Variants in DSC2 observed in about 807,000 individuals in gnomAD.
The protein encoded by DSC2 is desmocollin 2.
Under a neutral mutation model 87.6 loss-of-function variants are expected in DSC2, and 51 were observed. The ratio of observed to expected loss-of-function variants is 0.58; its 90% CI spans 0.46 to 0.74. DSC2 has a LOEUF of 0.74. Among genes scored for constraint, DSC2 ranks in the 30% least tolerant of loss-of-function variants. The pLI is 0.00. For missense variants in DSC2, 1,066 were observed against 1,089.5 expected, an observed-to-expected ratio of 0.98 and a Z score of 0.30; for synonymous variants, 383 against 393.2, an observed-to-expected ratio of 0.97 and a Z score of 0.31.
intron 11 of DSC2, among the ~76,000 whole-genome samples, chr18:31,078,717 T>C (rs1446545475): frequency 6.6e-6 from 1 of 152,176 alleles, no homozygotes; most frequent in African/African-American, 2.4e-5. Context: ...CTCATTAATT[T>C]ACAGAGAACT....
intron 6 of DSC2, 126 bp downstream of exon 6, chr18:31,087,543 A>G: frequency 8.6e-7 from 1 of 1,163,180 alleles, no homozygotes; most frequent in Non-Finnish European, 1.3e-6. Context: ...AACACAGAGT[A>G]AAATTCCACC....
In DSC2 at chr18:31,061,715, A is replaced by G. The variant is rs1986505516; in HGVS notation, c.*6300T>C. 2.0e-5 allele frequency: 3 copies of G among 152,280 alleles called. No individual in the cohort carries two copies. In the South Asian group the frequency reaches 6.2e-4, roughly 32 times the overall value. 9.4% of individuals were successfully genotyped at this position (152,280 alleles called of 1,614,324 possible). ...TGCATGTCTTATTTGAAATATCTAA[A>G]GTTTAAAATGCAGCCTCATAATGTA... On this transcript the variant is annotated 3_prime_UTR_variant, in exon 16 of 16. Transcript: ENST00000280904.
chr18:31,073,448 AGTTCACAG>A (rs2144795863), intron 12 of DSC2, among the ~76,000 whole-genome samples: 1 of 152,040 alleles, frequency 6.6e-6, no homozygotes, highest in East Asian at 1.9e-4. Context: ...AAATCTTGTT[AGTTCACAG>A]AGCAGGATCC....
chr18:31,071,583 C>G (rs767015507), intron 13 of DSC2, 22 bp downstream of exon 13: 1 of 1,605,406 alleles, frequency 6.2e-7, no homozygotes, highest in South Asian at 1.1e-5. Context: ...TATTTGAATT[C>G]AAGAAAGGAC....
At chr18:31,080,957 T>C (rs1176042598) in intron 9 of DSC2, among the ~76,000 whole-genome samples, 1 of 151,882 alleles carries the variant, frequency 6.6e-6, no homozygotes, top group African/African-American at 2.4e-5. Context: ...GGACAGAAAA[T>C]TGTTCTTCAA....
At position 31,080,130 on chromosome 18, in the gene DSC2, A is replaced by G; in HGVS notation, c.1486T>C (p.Tyr496His). Reference sequence around the variant, plus strand: ...CTGCTACTTCTTGTTTCTGGGTCATATGCTTTATATCCATTGCTTGTTGTT... The same window carrying G: ...CTGCTACTTCTTGTTTCTGGGTCATGTGCTTTATATCCATTGCTTGTTGTT... Reference protein sequence around the residue: ...VGTTSNGYKAYDPETRSSSGI... With the variant: ...VGTTSNGYKAHDPETRSSSGI... The change falls in exon 10 of 16, where the codon TAT (tyrosine) becomes CAT (histidine). Residue 496 changes from tyrosine to histidine, a missense_variant. Coordinates refer to ENST00000280904, the MANE Select transcript of DSC2 (RefSeq NM_024422.6). The G allele has an allele frequency of 6.2e-7, 1 of 1,614,082 alleles. No homozygotes were observed. Among genetic ancestry groups the G allele is most frequent in the Non-Finnish European group, 8.5e-7 (1 of 1,180,022 alleles).
In DSC2 at chr18:31,092,210, G is replaced by A. The variant is rs1267065182; in HGVS notation, c.245C>T (p.Thr82Ile). The A allele has an allele frequency of 6.2e-7, 1 of 1,613,596 alleles. No homozygotes were observed. Among genetic ancestry groups the A allele is most frequent in the Non-Finnish European group, 8.5e-7 (1 of 1,179,760 alleles). ...CTCCGAGGACAATAGAATAGTATTT[G>A]TTGTATAGACTGAACCATCCTCCAA... ...QILEDGSVYT[T>I]NTILLSSEKR... Residue 82 changes from threonine (T) to isoleucine (I), a missense_variant, in exon 3 of 16, where the codon ACA (threonine) becomes ATA (isoleucine). By Grantham distance (89) the Thr-to-Ile change is moderately conservative. Transcript: ENST00000280904.
intron 4 of DSC2, 113 bp downstream of exon 4, chr18:31,090,915 C>A: frequency 7.1e-7 from 1 of 1,410,022 alleles, no homozygotes; most frequent in South Asian, 1.2e-5. Flanking sequence ...TATACACATA[C>A]TCATTCACTC....
At position 31,072,030 on chromosome 18, in the gene DSC2, T is replaced by C. The variant is rs868527749; in HGVS notation, c.1889-189A>G. Among the ~76,000 whole-genome samples the C allele has an allele frequency of 2.3e-4, 35 of 152,352 alleles. No individual in the cohort carries two copies. The Middle Eastern group carries it at 0.02, about 89-fold the overall frequency. The stretch of plus-strand genomic sequence containing the variant: ...TAATCTATACCCATTGCAAACATAT[T>C]ACATATAAAAGTTTGTCTATGCTGC... On this transcript the variant is annotated intron_variant, in intron 12 of 15. Coordinates refer to ENST00000280904, the MANE Select transcript of DSC2 (RefSeq NM_024422.6).
rs771188649 is a variant in DSC2, at chr18:31,087,636, A to AATT, written c.775+30_775+32dup. ...TAAATGTATGAATTGAAACACAGTT[A>AATT]ATTTGCCATATATTGTTTAAGGAGG... On this transcript the variant is annotated intron_variant, in intron 6 of 15. Coordinates refer to ENST00000280904, the MANE Select transcript of DSC2 (RefSeq NM_024422.6). 3 of 1,602,532 alleles carry AATT rather than the reference A, an allele frequency of 1.9e-6. No homozygotes were observed. In the South Asian group the frequency reaches 3.3e-5, roughly 18 times the overall value.
In DSC2 at chr18:31,064,620, T is replaced by A. The variant is rs1016238588; in HGVS notation, c.*3395A>T. 2.0e-5 allele frequency: 3 copies of A among 152,166 alleles called. No individual in the cohort carries two copies. Among genetic ancestry groups the A allele is most frequent in the African/African-American group, 7.2e-5 (3 of 41,444 alleles). The allele number at this position is 152,166 out of a possible 1,614,324, so 9.4% of individuals were successfully genotyped here. On this transcript the variant is annotated 3_prime_UTR_variant, in exon 16 of 16. Transcript: ENST00000280904. ...ATGTGGTAGTATGTGTTTGTCTTTT[T>A]GCATGAGTTTGAAGTGCTAGGTTAA...
At position 31,062,887 on chromosome 18, in the gene DSC2, G is replaced by A. The variant is rs1986527669; in HGVS notation, c.*5128C>T. The A allele has an allele frequency of 6.6e-6, 1 of 152,158 alleles. No individual in the cohort carries two copies. Among genetic ancestry groups the A allele is most frequent in the African/African-American group, 2.4e-5 (1 of 41,436 alleles). 9.4% of individuals were successfully genotyped at this position (152,158 alleles called of 1,614,324 possible). A position where few individuals can be genotyped will look rare whatever the true frequency, so the allele number is the denominator to read the frequency against. ...TTGTTCTAGTCATTCAATGTCTTCT[G>A]AGGAAAAACAATTCAGTGCAGAATC... is the stretch of plus-strand genomic sequence containing the variant. On this transcript the variant is annotated 3_prime_UTR_variant, in exon 16 of 16. Transcript: ENST00000280904.
At chr18:31,097,287 C>CAA (rs561171723) in intron 1 of DSC2, among the ~76,000 whole-genome samples, 3 of 74,014 alleles carry the variant, frequency 4.1e-5, no homozygotes, top group Admixed American at 1.5e-4. Context: ...GACTCAGTCT[C>CAA]AAAAAAAAAA....
rs562928418 is a variant in DSC2 at position 31,071,777 on chromosome 18, T to C, written c.1953A>G (p.Thr651=). The C allele has an allele frequency of 2.5e-6, 4 of 1,614,074 alleles. No homozygotes were observed. The highest frequency in any genetic ancestry group is 2.2e-5 in the South Asian group (2 of 91,086). The part of the protein sequence containing the change: ...PPFGSYVVPI[T]VRDRLGMSSV... ...TAGACATGCCAAGTCTATCTCTCAC[T>C]GTTATAGGTACTACATATGAGCCAA... Residue 651 remains threonine, a synonymous_variant, in exon 13 of 16, where the codon ACA becomes ACG. Transcript: ENST00000280904.
In DSC2 at chr18:31,068,875, GCCACTTAGGAAAAC is replaced by G. The variant is rs1986719933; in HGVS notation, c.2508+5_2508+18del. 6.2e-7 allele frequency: 1 copy of G among 1,612,298 alleles called. No homozygotes were observed. Among genetic ancestry groups the G allele is most frequent in the Non-Finnish European group, 8.5e-7 (1 of 1,179,928 alleles). On this transcript the variant is annotated splice_donor_5th_base_variant and intron_variant, in intron 15 of 15. Transcript: ENST00000280904. ...AAAGAAAATTAAAATAGATTTGTAG[GCCACTTAGGAAAAC>G]TCACTTCACCAAGACGGGGCTGAGT... is the stretch of plus-strand genomic sequence containing the variant.
chr18:31,072,690 ACTACTACTCTAAATG>A (rs1313256326), intron 12 of DSC2, among the ~76,000 whole-genome samples: 1 of 152,198 alleles, frequency 6.6e-6, no homozygotes, highest in Non-Finnish European at 1.5e-5. Flanking sequence ...GACTAGATAT[ACTACTACTCTAAATG>A]CAGATACCAG....
chr18:31,079,500 C>A (rs539255647), intron 11 of DSC2, among the ~76,000 whole-genome samples: 3 of 152,284 alleles, frequency 2.0e-5, no homozygotes, highest in African/African-American at 7.2e-5. Flanking sequence ...AGTGATCCTC[C>A]AGCCTTAGCC....
rs138643506 is a variant in DSC2 at position 31,092,185 on chromosome 18, C to T, written c.270G>A (p.Glu90=). 1,209 of 1,613,632 alleles carry T rather than the reference C, an allele frequency of 7.5e-4. 2 individuals carry two copies. Among genetic ancestry groups the T allele is most frequent in the Non-Finnish European group, 9.4e-4 (1,114 of 1,179,716 alleles). ...YTTNTILLSS[E]KRSFTILLSN... Reference sequence around the variant, plus strand: ...AAAGTAATATGGTAAAACTTCTCTTCTCCGAGGACAATAGAATAGTATTTG... The same window carrying T: ...AAAGTAATATGGTAAAACTTCTCTTTTCCGAGGACAATAGAATAGTATTTG... The change falls in exon 3 of 16, where the codon GAG becomes GAA. Residue 90 remains glutamate, a synonymous_variant. Coordinates refer to ENST00000280904, the MANE Select transcript of DSC2 (RefSeq NM_024422.6).
intron 5 of DSC2, 118 bp downstream of exon 5, chr18:31,089,321 G>C: frequency 9.0e-7 from 1 of 1,105,158 alleles, no homozygotes; most frequent in Non-Finnish European, 1.4e-6. Context: ...CTATTAGGGA[G>C]TAGCCAGAGC....
Sources: gnomAD v4.1 joint callset for allele counts (sites outside exome capture counted in the v4.1 genomes callset) on GRCh38, gnomAD v4.1.1 for gene constraint, MANE v1.5 for transcripts, NCBI Gene and HGNC (gene_info 2026-07-23, HGNC 2026-07-21) for gene names.